Variants in IL1RAPL1 observed in about 807,000 individuals in gnomAD.
IL1RAPL1 encodes the protein interleukin 1 receptor accessory protein like 1.
Under a neutral mutation model 48.4 loss-of-function variants are expected in IL1RAPL1, and 3 were observed. That is an observed-to-expected ratio of 0.06 (90% CI 0.03 to 0.16). The LOEUF is 0.16. Among genes scored for constraint, IL1RAPL1 ranks in the 10% least tolerant of loss-of-function variants. The pLI is 1.00. For synonymous variants in IL1RAPL1, 185 were observed against 187.7 expected, an observed-to-expected ratio of 0.99 and a Z score of 0.12; for missense variants, 349 against 530.6, an observed-to-expected ratio of 0.66 and a Z score of 3.36.
chrX:29,725,442 G>A (rs932240957), intron 6 of IL1RAPL1, among the ~76,000 whole-genome samples: 1 of 111,507 alleles, frequency 9.0e-6, no homozygotes, highest in Non-Finnish European at 1.9e-5. Flanking sequence ...AATATCCCTT[G>A]TTCTCTAGTC....
intron 2 of IL1RAPL1, among the ~76,000 whole-genome samples, chrX:29,143,606 C>G (rs951941816): frequency 8.9e-6 from 1 of 111,785 alleles, no homozygotes; most frequent in Non-Finnish European, 1.9e-5. Flanking sequence ...CCCATTTAGT[C>G]ACTTAGTAGC....
intron 1 of IL1RAPL1, among the ~76,000 whole-genome samples, chrX:28,712,338 A>T (rs1300225435): frequency 9.1e-6 from 1 of 110,465 alleles, no homozygotes; most frequent in East Asian, 2.8e-4. Context: ...TTTTCACTGG[A>T]TATAAGATTC....
At chrX:28,831,248 C>T (rs1921048225) in intron 2 of IL1RAPL1, among the ~76,000 whole-genome samples, 1 of 97,023 alleles carries the variant, frequency 1.0e-5, no homozygotes, top group South Asian at 5.4e-4. Flanking sequence ...TATTTCAGAG[C>T]TTTGCAAGGC....
chrX:29,824,885 A>C (rs1187635885), intron 6 of IL1RAPL1, among the ~76,000 whole-genome samples: 13 of 108,227 alleles, frequency 1.2e-4, no homozygotes, highest in Non-Finnish European at 2.3e-4. Flanking sequence ...AAATTAGCCA[A>C]ACACAATCAC....
intron 1 of IL1RAPL1, among the ~76,000 whole-genome samples, chrX:28,598,276 C>A (rs1933979550): frequency 9.0e-6 from 1 of 111,517 alleles, no homozygotes; most frequent in Admixed American, 9.5e-5. Context: ...AAGTGAGCCT[C>A]CTAGTAATAA....
chrX:29,393,724 G>T (rs760483904), intron 3 of IL1RAPL1, among the ~76,000 whole-genome samples: 9 of 102,818 alleles, frequency 8.8e-5, no homozygotes, highest in East Asian at 3.1e-4. Flanking sequence ...TTTTGTTTTT[G>T]TTTTTTTTTT....
intron 1 of IL1RAPL1, among the ~76,000 whole-genome samples, chrX:28,614,740 T>C (rs1336811911): frequency 8.9e-6 from 1 of 111,750 alleles, no homozygotes; most frequent in Non-Finnish European, 1.9e-5. Context: ...GCTTCGAATA[T>C]TGACCTCCCT....
chrX:29,377,206 G>A (rs1933635633), intron 3 of IL1RAPL1, among the ~76,000 whole-genome samples: 1 of 112,200 alleles, frequency 8.9e-6, no homozygotes, highest in East Asian at 2.8e-4. Flanking sequence ...CTGTTTGCAT[G>A]GTAACTCTTT....
At chrX:29,199,886 T>G (rs1487561591) in intron 2 of IL1RAPL1, among the ~76,000 whole-genome samples, 1 of 111,853 alleles carries the variant, frequency 8.9e-6, no homozygotes, top group Non-Finnish European at 1.9e-5. Context: ...GGAAAAAATT[T>G]TTTCTGGGTC....
At chrX:28,781,676 A>G (rs1325941722) in intron 1 of IL1RAPL1, among the ~76,000 whole-genome samples, 1 of 111,098 alleles carries the variant, frequency 9.0e-6, no homozygotes, top group African/African-American at 3.3e-5. Flanking sequence ...AAAGAAGACA[A>G]TTCTACAGGG....
intron 2 of IL1RAPL1, among the ~76,000 whole-genome samples, chrX:29,083,150 G>C (rs1927880070): frequency 9.0e-6 from 1 of 111,590 alleles, no homozygotes; most frequent in Admixed American, 9.5e-5. Flanking sequence ...AAGTATGTAG[G>C]GGGTGGAAAG....
intron 6 of IL1RAPL1, among the ~76,000 whole-genome samples, chrX:29,849,971 C>G (rs1430470670): frequency 8.9e-6 from 1 of 111,768 alleles, no homozygotes; most frequent in Non-Finnish European, 1.9e-5. Flanking sequence ...AAATCTTTTA[C>G]AGATTTCTCT....
At chrX:29,031,689 T>C (rs976152078) in intron 2 of IL1RAPL1, among the ~76,000 whole-genome samples, 1 of 111,797 alleles carries the variant, frequency 8.9e-6, no homozygotes, top group African/African-American at 3.2e-5. Context: ...AATGCTATTA[T>C]TGGTAACTAT....
intron 6 of IL1RAPL1, among the ~76,000 whole-genome samples, chrX:29,704,079 T>C (rs1198394139): frequency 2.7e-5 from 3 of 109,817 alleles, no homozygotes; most frequent in Non-Finnish European, 5.7e-5. Context: ...CGCACTATAA[T>C]ACCTGGCTAA....
chrX:29,481,845 T>C (rs2147746903), intron 5 of IL1RAPL1, among the ~76,000 whole-genome samples: 1 of 111,939 alleles, frequency 8.9e-6, no homozygotes, highest in African/African-American at 3.2e-5. Context: ...GGTGCAAATG[T>C]AATTGAGGTT....
intron 5 of IL1RAPL1, among the ~76,000 whole-genome samples, chrX:29,564,752 G>T (rs941226642): frequency 1.1e-4 from 12 of 112,863 alleles, no homozygotes; most frequent in Non-Finnish European, 2.1e-4. Context: ...GGCTGAGTTA[G>T]CAAATATATT....
chrX:29,162,246 T>C (rs1929700455), intron 2 of IL1RAPL1, among the ~76,000 whole-genome samples: 1 of 110,793 alleles, frequency 9.0e-6, no homozygotes, highest in South Asian at 3.8e-4. Flanking sequence ...TTAGGACAAA[T>C]AGCTAATGCA....
intron 3 of IL1RAPL1, among the ~76,000 whole-genome samples, chrX:29,305,107 G>A (rs1287540626): frequency 1.8e-5 from 2 of 112,163 alleles, no homozygotes; most frequent in Non-Finnish European, 3.8e-5. Flanking sequence ...ACAAATAAAT[G>A]TAAAATTGCA....
At chrX:29,040,445 G>C (rs1351637542) in intron 2 of IL1RAPL1, among the ~76,000 whole-genome samples, 1 of 111,623 alleles carries the variant, frequency 9.0e-6, no homozygotes, top group Non-Finnish European at 1.9e-5. Flanking sequence ...GTCTGAGATG[G>C]GGCTTGAAAT....
Sources: allele counts gnomAD v4.1 joint callset (sites outside exome capture counted in the v4.1 genomes callset), GRCh38; gene constraint gnomAD v4.1.1; transcripts MANE v1.5; gene names NCBI Gene and HGNC (gene_info 2026-07-23, HGNC 2026-07-21).